Variants in LRMDA observed in about 807,000 individuals in gnomAD.
LRMDA encodes leucine rich melanocyte differentiation associated.
In LRMDA, 18 loss-of-function variants were observed where a neutral mutation model predicts 29.8. That is an observed-to-expected ratio of 0.60 (90% confidence interval 0.42 to 0.90). The LOEUF (loss-of-function observed/expected upper bound fraction) is 0.90. Ranked by LOEUF, LRMDA falls within the 40% of genes least tolerant of loss-of-function variation. The pLI is 0.00. For synonymous variants in LRMDA, 125 were observed against 109.4 expected (o/e 1.14, Z -0.89); for missense variants, 273 against 273.9 (o/e 1.00, Z 0.02).
At chr10:76,068,009 G>A (rs1206010499) in intron 5 of LRMDA, among the ~76,000 whole-genome samples, 1 of 152,202 alleles carries the variant, frequency 6.6e-6, no homozygotes, top group Non-Finnish European at 1.5e-5. Context: ...GCAGGCAGAG[G>A]CCAACCACAC....
At chr10:75,854,817 G>A (rs1212010083) in intron 2 of LRMDA, among the ~76,000 whole-genome samples, 1 of 151,792 alleles carries the variant, frequency 6.6e-6, no homozygotes, top group Admixed American at 6.6e-5. Context: ...AACATGCAGT[G>A]TTTGATTTTT....
intron 2 of LRMDA, among the ~76,000 whole-genome samples, chr10:75,553,034 A>G (rs1281607911): frequency 1.3e-5 from 2 of 152,202 alleles, no homozygotes; most frequent in African/African-American, 4.8e-5. Context: ...TAACATCTGC[A>G]TCACATCTGT....
intron 2 of LRMDA, among the ~76,000 whole-genome samples, chr10:75,608,025 C>T (rs914446160): frequency 6.7e-5 from 10 of 148,796 alleles, no homozygotes; most frequent in African/African-American, 2.4e-4. Context: ...ATTTTATTTC[C>T]ATCAGATATA....
At chr10:76,145,120 C>T (rs1589348432) in intron 5 of LRMDA, among the ~76,000 whole-genome samples, 1 of 152,132 alleles carries the variant, frequency 6.6e-6, no homozygotes, top group South Asian at 2.1e-4. Flanking sequence ...ATTTTTGCAT[C>T]AATGTTCGTC....
At chr10:76,475,070 C>A (rs1389670179) in intron 6 of LRMDA, among the ~76,000 whole-genome samples, 2 of 151,414 alleles carry the variant, frequency 1.3e-5, no homozygotes, top group Non-Finnish European at 3.0e-5. Context: ...TGTGGGTAAA[C>A]CTTGAAAACA....
intron 6 of LRMDA, among the ~76,000 whole-genome samples, chr10:76,543,343 T>A (rs983893177): frequency 7.0e-6 from 1 of 143,266 alleles, no homozygotes; most frequent in Admixed American, 6.9e-5. Context: ...TGTGTGTGTG[T>A]GTGTGTGTGT....
At chr10:76,453,860 T>G (rs906912365) in intron 6 of LRMDA, among the ~76,000 whole-genome samples, 4 of 152,204 alleles carry the variant, frequency 2.6e-5, no homozygotes, top group African/African-American at 9.6e-5. Context: ...GATAAAAATA[T>G]AGTGTTTTAT....
intron 2 of LRMDA, among the ~76,000 whole-genome samples, chr10:75,709,707 T>C (rs1327503505): frequency 1.3e-5 from 2 of 152,138 alleles, no homozygotes; most frequent in East Asian, 3.8e-4. Context: ...GCTCACATGC[T>C]TAGTTGTGTG....
At position 75,735,313 on chromosome 10, in the gene LRMDA, T is replaced by C. The variant is rs1375565848; in HGVS notation, c.131+296819T>C. On this transcript the variant is annotated intron_variant, in intron 2 of 6. Transcript: ENST00000611255. ...TGTTTTGGGGGGTGTTGATGTATAA[T>C]GGCAAAATGAGAAGTAGAGGGTGGC... 2.0e-5 allele frequency among the ~76,000 whole-genome samples: 3 copies of C among 152,170 alleles called. No individual in the cohort carries two copies. In the East Asian group the frequency reaches 5.8e-4, roughly 29 times the overall value.
chr10:75,454,796 G>T (rs1328017773), intron 2 of LRMDA, among the ~76,000 whole-genome samples: 1 of 152,126 alleles, frequency 6.6e-6, no homozygotes, highest in Non-Finnish European at 1.5e-5. Flanking sequence ...ATTCTTTCAG[G>T]CTGGGCTTTG....
intron 6 of LRMDA, among the ~76,000 whole-genome samples, chr10:76,545,914 C>T (rs1306695795): frequency 1.3e-5 from 2 of 152,096 alleles, no homozygotes; most frequent in African/African-American, 4.8e-5. Context: ...CCCTCAGCAT[C>T]GGCATCACCT....
chr10:75,507,285 G>A (rs984990482), intron 2 of LRMDA, among the ~76,000 whole-genome samples: 2 of 152,148 alleles, frequency 1.3e-5, no homozygotes, highest in Non-Finnish European at 2.9e-5. Context: ...TATTGGGGGC[G>A]ACCCTGGAGT....
At chr10:76,078,238 T>C (rs1220691297) in intron 5 of LRMDA, among the ~76,000 whole-genome samples, 2 of 151,698 alleles carry the variant, frequency 1.3e-5, no homozygotes, top group Non-Finnish European at 2.9e-5. Context: ...CTCGATCTCC[T>C]GACCTCGTGA....
chr10:76,200,481 G>C (rs929635419), intron 5 of LRMDA, among the ~76,000 whole-genome samples: 1 of 152,014 alleles, frequency 6.6e-6, no homozygotes, highest in Admixed American at 6.5e-5. Context: ...GCCATTCATC[G>C]ATCTAGTTGG....
At chr10:75,819,399 T>C (rs1844118024) in intron 2 of LRMDA, among the ~76,000 whole-genome samples, 1 of 46,822 alleles carries the variant, frequency 2.1e-5, no homozygotes, top group South Asian at 1.5e-3. Context: ...GAGTCTGTAA[T>C]GTGAAATTTG....
chr10:75,624,637 G>A (rs1037426831), intron 2 of LRMDA, among the ~76,000 whole-genome samples: 5 of 152,044 alleles, frequency 3.3e-5, no homozygotes, highest in African/African-American at 1.2e-4. Context: ...GGGCAAAAGC[G>A]GGGGTTGTGG....
rs113264495 is a variant in LRMDA at position 76,541,597 on chromosome 10, G to A, written c.602-15612G>A. 2.2e-3 allele frequency among the ~76,000 whole-genome samples: 342 copies of A among 152,146 alleles called. 2 individuals carry two copies. Among genetic ancestry groups the A allele is most frequent in the Middle Eastern group, 0.01 (3 of 294 alleles). Reference sequence around the variant, plus strand: ...CAGTATTGTGTTTTTGTTTCCAGGGGTAAGAAGATGTTCACATAATGCTAA... The same window carrying A: ...CAGTATTGTGTTTTTGTTTCCAGGGATAAGAAGATGTTCACATAATGCTAA... On this transcript the variant is annotated intron_variant, in intron 6 of 6. Coordinates refer to ENST00000611255, the MANE Select transcript of LRMDA (RefSeq NM_001305581.2).
chr10:76,248,126 C>T (rs1168990070), intron 5 of LRMDA, among the ~76,000 whole-genome samples: 2 of 152,078 alleles, frequency 1.3e-5, no homozygotes, highest in Non-Finnish European at 2.9e-5. Context: ...CAATTGGGAG[C>T]TATTTTGACT....
At chr10:76,134,394 C>T (rs983355864) in intron 5 of LRMDA, among the ~76,000 whole-genome samples, 3 of 152,202 alleles carry the variant, frequency 2.0e-5, no homozygotes, top group African/African-American at 7.2e-5. Flanking sequence ...GATGCTGACT[C>T]CTTGTTTGTT....
Sources: allele counts gnomAD v4.1 joint callset (sites outside exome capture counted in the v4.1 genomes callset), GRCh38; gene constraint gnomAD v4.1.1; transcripts MANE v1.5; gene names NCBI Gene and HGNC (gene_info 2026-07-23, HGNC 2026-07-21).